The following SCHIP1 variants were observed in gnomAD, a reference collection of about 807,000 sequenced individuals.
The protein encoded by SCHIP1 is schwannomin-interacting protein 1.
A neutral mutation model predicts 29.7 loss-of-function variants in SCHIP1; 8 were observed. The ratio of observed to expected loss-of-function variants is 0.27; its 90% CI spans 0.16 to 0.49. The LOEUF (loss-of-function observed/expected upper bound fraction) is 0.49. Among genes scored for constraint, SCHIP1 ranks in the 20% least tolerant of loss-of-function variants. SCHIP1 has a pLI of 0.99. For synonymous variants in SCHIP1, 76 were observed against 94.9 expected, an observed-to-expected ratio of 0.80 and a Z score of 1.16; for missense variants, 193 against 294.6, an observed-to-expected ratio of 0.66 and a Z score of 2.52.
chr3:159,623,446 T>G, the SCHIP1 span, among the ~76,000 whole-genome samples: 1 of 152,048 alleles, frequency 6.6e-6, no homozygotes, highest in African/African-American at 2.4e-5. Context: ...GTCAACATGG[T>G]GAAACCACGT....
the SCHIP1 span, among the ~76,000 whole-genome samples, chr3:159,713,146 A>G: frequency 6.7e-6 from 1 of 148,966 alleles, no homozygotes; most frequent in Non-Finnish European, 1.5e-5. Context: ...CAAGAGTGAA[A>G]CTCCATCAAA....
chr3:159,866,235 A>C, exon 2 of SCHIP1: 4 of 1,613,686 alleles, frequency 2.5e-6, no homozygotes, highest in Non-Finnish European at 3.4e-6. Flanking sequence ...TGGCCCAGGA[A>C]TTTATACCAG....
the SCHIP1 span, among the ~76,000 whole-genome samples, chr3:159,393,082 C>T: frequency 1.3e-5 from 2 of 152,162 alleles, no homozygotes; most frequent in African/African-American, 2.4e-5. Context: ...AGCATTTTTT[C>T]ATGTGTCTTT....
chr3:159,727,000 A>G, the SCHIP1 span, among the ~76,000 whole-genome samples: 1 of 152,228 alleles, frequency 6.6e-6, no homozygotes, highest in Non-Finnish European at 1.5e-5. Context: ...GGAAGCTTAC[A>G]TTAAAAGCCC....
the SCHIP1 span, among the ~76,000 whole-genome samples, chr3:159,664,751 G>A: frequency 6.6e-6 from 1 of 152,206 alleles, no homozygotes; most frequent in Non-Finnish European, 1.5e-5. Context: ...AACAGAGTAT[G>A]AAAAAGGCAG....
chr3:159,647,356 G>A, the SCHIP1 span, among the ~76,000 whole-genome samples: 5 of 152,160 alleles, frequency 3.3e-5, no homozygotes, highest in Admixed American at 2.6e-4. Flanking sequence ...GGTTGAACGG[G>A]GAATGAGGTA....
chr3:159,547,233 G>A, the SCHIP1 span, among the ~76,000 whole-genome samples: 1 of 152,142 alleles, frequency 6.6e-6, no homozygotes, highest in African/African-American at 2.4e-5. Context: ...CAAAGTGTCT[G>A]TTCATATCCT....
At chr3:159,883,653 A>G (rs1284388545) in intron 2 of SCHIP1, among the ~76,000 whole-genome samples, 1 of 152,148 alleles carries the variant, frequency 6.6e-6, no homozygotes, top group Non-Finnish European at 1.5e-5. Flanking sequence ...TCCCCTCTGA[A>G]CCATTAGCTG....
At chr3:159,833,944 T>C in the SCHIP1 span, among the ~76,000 whole-genome samples, 3 of 152,174 alleles carry the variant, frequency 2.0e-5, no homozygotes, top group East Asian at 5.8e-4. Flanking sequence ...AGTTCCTTTT[T>C]TGGTGTCTTG....
the SCHIP1 span, among the ~76,000 whole-genome samples, chr3:159,582,761 TAA>T: frequency 0.21 from 30,465 of 147,832 alleles, 8,439 homozygotes; most frequent in African/African-American, 0.63. Context: ...CCTGTAAATA[TAA>T]GACACGCAAC....
the SCHIP1 span, among the ~76,000 whole-genome samples, chr3:159,486,227 C>T: frequency 6.6e-6 from 1 of 152,136 alleles, no homozygotes; most frequent in Non-Finnish European, 1.5e-5. Flanking sequence ...CCATGCTGCA[C>T]ATTAGATCTC....
At chr3:159,870,396 C>G (rs1300093440) in intron 2 of SCHIP1, among the ~76,000 whole-genome samples, 1 of 151,786 alleles carries the variant, frequency 6.6e-6, no homozygotes, top group Non-Finnish European at 1.5e-5. Flanking sequence ...ATGTTCCCTC[C>G]CAGGTATAAC....
the SCHIP1 span, among the ~76,000 whole-genome samples, chr3:159,696,090 T>C: frequency 6.6e-6 from 1 of 152,142 alleles, no homozygotes; most frequent in South Asian, 2.1e-4. Flanking sequence ...CTTATCACAT[T>C]TTTTTCCAAA....
At chr3:159,630,537 C>A in the SCHIP1 span, among the ~76,000 whole-genome samples, 2,723 of 152,198 alleles carry the variant, frequency 0.018, 44 homozygotes, top group African/African-American at 0.038. Context: ...TTGCAGCAAC[C>A]TGGATGGAAT....
At chr3:159,547,329 G>A in the SCHIP1 span, among the ~76,000 whole-genome samples, 1 of 152,042 alleles carries the variant, frequency 6.6e-6, no homozygotes, top group East Asian at 1.9e-4. Context: ...TTGTCAGATA[G>A]AGAGATTGCA....
the SCHIP1 span, among the ~76,000 whole-genome samples, chr3:159,581,569 G>A: frequency 2.0e-5 from 3 of 151,458 alleles, no homozygotes; most frequent in African/African-American, 7.3e-5. Context: ...GAGGTAAATA[G>A]CCTCCCCCAT....
At chr3:159,484,394 G>C in the SCHIP1 span, among the ~76,000 whole-genome samples, 1 of 152,262 alleles carries the variant, frequency 6.6e-6, no homozygotes, top group African/African-American at 2.4e-5. Flanking sequence ...CGTGTAGTTG[G>C]AACTATCATT....
the SCHIP1 span, among the ~76,000 whole-genome samples, chr3:159,710,132 G>A: frequency 3.4e-3 from 520 of 152,206 alleles, 5 homozygotes; most frequent in African/African-American, 0.012. Context: ...AGAGATGTTC[G>A]CACTTCCATA....
At chr3:159,538,129 A>G in the SCHIP1 span, among the ~76,000 whole-genome samples, 2 of 152,266 alleles carry the variant, frequency 1.3e-5, no homozygotes, top group East Asian at 3.9e-4. Context: ...CCTTGGACTT[A>G]AGAAAAAACA....
Sources: allele counts gnomAD v4.1 joint callset (sites outside exome capture counted in the v4.1 genomes callset), GRCh38; gene constraint gnomAD v4.1.1; transcripts MANE v1.5; gene names NCBI Gene and HGNC (gene_info 2026-07-23, HGNC 2026-07-21).